The following IQCJ variants were observed in gnomAD, a reference collection of about 807,000 sequenced individuals.
IQCJ encodes IQ motif containing J.
In IQCJ, 9 loss-of-function variants were observed where a neutral mutation model predicts 11.0. The observed-to-expected ratio is 0.82, with a 90% confidence interval of 0.49 to 1.43. The LOEUF (loss-of-function observed/expected upper bound fraction) is 1.43. IQCJ is among the 40% of genes most tolerant of loss of function. The pLI is 0.00. For synonymous variants in IQCJ, 55 were observed against 51.3 expected, an observed-to-expected ratio of 1.07 and a Z score of -0.31; for missense variants, 146 against 133.2, an observed-to-expected ratio of 1.10 and a Z score of -0.47.
intron 1 of IQCJ, among the ~76,000 whole-genome samples, chr3:159,199,642 A>G (rs1399208990): frequency 1.3e-5 from 2 of 152,172 alleles, no homozygotes; most frequent in African/African-American, 4.8e-5. Flanking sequence ...TAGATGGGTT[A>G]TGAGGGTACT....
chr3:159,199,436 CAG>C (rs1169033802), intron 1 of IQCJ, among the ~76,000 whole-genome samples: 1 of 152,228 alleles, frequency 6.6e-6, no homozygotes, highest in Non-Finnish European at 1.5e-5. Context: ...CCAGGAGAAA[CAG>C]AGACGCTTAA....
At chr3:159,085,367 A>G (rs931071833) in intron 1 of IQCJ, among the ~76,000 whole-genome samples, 4 of 152,000 alleles carry the variant, frequency 2.6e-5, no homozygotes, top group South Asian at 2.1e-4. Context: ...GAATAATGCC[A>G]CAATAAACAT....
At chr3:159,157,296 C>T (rs1179547204) in intron 1 of IQCJ, among the ~76,000 whole-genome samples, 1 of 152,134 alleles carries the variant, frequency 6.6e-6, no homozygotes, top group East Asian at 1.9e-4. Context: ...GGCCAATTGA[C>T]CAGAATCACT....
intron 1 of IQCJ, among the ~76,000 whole-genome samples, chr3:159,171,046 A>T (rs1459750421): frequency 1.3e-5 from 2 of 152,116 alleles, no homozygotes; most frequent in Non-Finnish European, 2.9e-5. Flanking sequence ...CAATTCTTTA[A>T]AAATTGCATG....
chr3:159,119,102 T>G (rs1376037918), intron 1 of IQCJ, among the ~76,000 whole-genome samples: 2 of 152,228 alleles, frequency 1.3e-5, no homozygotes, highest in Non-Finnish European at 2.9e-5. Context: ...TCCAAGGGCT[T>G]TCCATGGGAG....
At chr3:159,179,424 A>G (rs1722965249) in intron 1 of IQCJ, among the ~76,000 whole-genome samples, 1 of 152,194 alleles carries the variant, frequency 6.6e-6, no homozygotes. Flanking sequence ...ACTTTCCAGG[A>G]ACCTATCAAA....
chr3:159,140,012 G>A (rs1720510706), intron 1 of IQCJ, among the ~76,000 whole-genome samples: 1 of 152,100 alleles, frequency 6.6e-6, no homozygotes, highest in Non-Finnish European at 1.5e-5. Flanking sequence ...ATTTTTTATA[G>A]AAGTTTTAGG....
At chr3:159,264,597 A>G (rs2108242629), downstream of IQCJ, among the ~76,000 whole-genome samples, 1 of 152,280 alleles carries the variant, frequency 6.6e-6, no homozygotes, top group African/African-American at 2.4e-5. Context: ...GACTGTATTC[A>G]GTGAATGGCA....
chr3:159,189,736 G>A (rs889580463), intron 1 of IQCJ, among the ~76,000 whole-genome samples: 1 of 152,196 alleles, frequency 6.6e-6, no homozygotes, highest in Non-Finnish European at 1.5e-5. Flanking sequence ...AAGGCAGAGA[G>A]GCCGTCACTA....
At chr3:159,102,818 T>C (rs1373123671) in intron 1 of IQCJ, among the ~76,000 whole-genome samples, 2 of 152,232 alleles carry the variant, frequency 1.3e-5, no homozygotes, top group Non-Finnish European at 2.9e-5. Flanking sequence ...TTAAAATTCC[T>C]GGTGACTTCT....
At chr3:159,174,369 G>C (rs1002152752) in intron 1 of IQCJ, among the ~76,000 whole-genome samples, 2 of 151,934 alleles carry the variant, frequency 1.3e-5, no homozygotes, top group African/African-American at 4.8e-5. Context: ...TTCTCTCAAG[G>C]TGCAAATGGG....
chr3:159,101,140 G>C (rs376724952), intron 1 of IQCJ, among the ~76,000 whole-genome samples: 1 of 143,336 alleles, frequency 7.0e-6, no homozygotes, highest in African/African-American at 2.6e-5. Context: ...TTCCAGGTGC[G>C]TCCGTCACCC....
chr3:159,257,195 T>C (rs983122095), intron 3 of IQCJ, among the ~76,000 whole-genome samples: 4 of 152,222 alleles, frequency 2.6e-5, no homozygotes, highest in African/African-American at 9.6e-5. Context: ...TCAAGGATTT[T>C]ACATTCTAGT....
chr3:159,086,547 G>A (rs570551810), intron 1 of IQCJ, among the ~76,000 whole-genome samples: 13 of 152,300 alleles, frequency 8.5e-5, no homozygotes, highest in African/African-American at 3.1e-4. Context: ...TTCTACCCGT[G>A]AGCATGGAAT....
chr3:159,143,821 A>G (rs1720764117), intron 1 of IQCJ, among the ~76,000 whole-genome samples: 2 of 152,218 alleles, frequency 1.3e-5, no homozygotes, highest in South Asian at 2.1e-4. Context: ...GGTAATTTAT[A>G]AAGAACAGAA....
At chr3:159,243,260 A>G (rs1727044149) in intron 1 of IQCJ, among the ~76,000 whole-genome samples, 1 of 152,214 alleles carries the variant, frequency 6.6e-6, no homozygotes, top group Non-Finnish European at 1.5e-5. Flanking sequence ...AAGAGAAATG[A>G]AAACACATCC....
intron 1 of IQCJ, among the ~76,000 whole-genome samples, chr3:159,200,030 C>CTATATATATATATATATATATATATATA (rs368929112): frequency 1.5e-3 from 180 of 119,574 alleles, no homozygotes; most frequent in Admixed American, 3.4e-3. Context: ...GAGTAAACGA[C>CTATATATATATATATATATATATATATA]TATATATATA....
At chr3:159,162,197 T>C (rs147955937) in intron 1 of IQCJ, among the ~76,000 whole-genome samples, 33,614 of 151,978 alleles carry the variant, frequency 0.22, 4,534 homozygotes, top group South Asian at 0.39. Context: ...TGTATCCTCT[T>C]TTATTTCCTT....
At chr3:159,117,330 A>G (rs1048691163) in intron 1 of IQCJ, among the ~76,000 whole-genome samples, 4 of 152,154 alleles carry the variant, frequency 2.6e-5, no homozygotes, top group Non-Finnish European at 5.9e-5. Flanking sequence ...TTGTGATGGT[A>G]TGGGGAGAAT....
Sources: allele counts gnomAD v4.1 joint callset (sites outside exome capture counted in the v4.1 genomes callset), GRCh38; gene constraint gnomAD v4.1.1; transcripts MANE v1.5; gene names NCBI Gene and HGNC (gene_info 2026-07-23, HGNC 2026-07-21).